The following PTPN4 variants were observed in gnomAD, a reference collection of about 807,000 sequenced individuals.
PTPN4 encodes the protein tyrosine-protein phosphatase non-receptor type 4.
In PTPN4, 49 loss-of-function variants were observed where a neutral mutation model predicts 135.5. The observed-to-expected ratio is 0.36, with a 90% CI of 0.29 to 0.46. The LOEUF (loss-of-function observed/expected upper bound fraction) is 0.46, where lower values mean the gene tolerates loss of function less well. Ranked by LOEUF, PTPN4 falls within the 20% of genes least tolerant of loss-of-function variation. The pLI is 1.00. For missense variants in PTPN4, 860 were observed against 1,101.0 expected (o/e 0.78, Z 3.10); for synonymous variants, 333 against 369.9 (o/e 0.90, Z 1.14).
rs138361206 is a variant in PTPN4 at position 119,882,508 on chromosome 2, C to A, written c.472C>A (p.Leu158Ile). The A allele has an allele frequency of 3.9e-3, 5,976 of 1,522,120 alleles. 13 individuals are homozygous for A. The highest frequency in any genetic ancestry group is 4.9e-3 in the Non-Finnish European group (5,565 of 1,130,478). 94.3% of individuals were successfully genotyped at this position (1,522,120 alleles called of 1,614,324 possible). Residue 158 changes from leucine to isoleucine, a missense_variant, in exon 8 of 27, where the codon CTT (leucine) becomes ATT (isoleucine). By Grantham distance (5) the Leu-to-Ile change is conservative. Transcript: ENST00000263708. ...TGTTTTCCTTTCATTATTAGCTGAACTTGGAGACTACGATCAGTCAGAGAA... is the reference window on the plus strand; with the variant it reads ...TGTTTTCCTTTCATTATTAGCTGAAATTGGAGACTACGATCAGTCAGAGAA... ...LLASFAVQSE[L>I]GDYDQSENLS...
rs141743006 is a variant in PTPN4, at chr2:119,966,889, T to C, written c.2559-948T>C. On this transcript the variant is annotated intron_variant, in intron 25 of 26. Coordinates refer to ENST00000263708, the MANE Select transcript of PTPN4 (RefSeq NM_002830.4). ...TACTGATCCAGAGATTAGGAGACAG[T>C]TGTTCCTCCCTATTACGGCCACCTT... 3.0e-4 allele frequency among the ~76,000 whole-genome samples: 46 copies of C among 152,324 alleles called. No homozygotes were observed. The East Asian group carries it at 7.7e-3, about 26-fold the overall frequency.
chr2:119,976,529 G>A (rs938104711), intron 26 of PTPN4, among the ~76,000 whole-genome samples: 2 of 152,044 alleles, frequency 1.3e-5, no homozygotes, highest in Non-Finnish European at 2.9e-5. Flanking sequence ...TTTTGAGAAT[G>A]TACAGTAGTC....
intron 2 of PTPN4, among the ~76,000 whole-genome samples, chr2:119,822,958 C>T (rs1677091351): frequency 6.6e-6 from 1 of 151,988 alleles, no homozygotes; most frequent in Admixed American, 6.6e-5. Context: ...TGAAGTTTGC[C>T]TCTCCCCCCA....
At position 119,965,601 on chromosome 2, in the gene PTPN4, A is replaced by C. The variant is rs1431685604; in HGVS notation, c.2514A>C (p.Arg838=). The C allele has an allele frequency of 6.2e-7, 1 of 1,614,078 alleles. No homozygotes were observed. Among genetic ancestry groups the C allele is most frequent in the African/African-American group, 1.3e-5 (1 of 75,026 alleles). The change falls in exon 25 of 27, where the codon CGA becomes CGC. Residue 838 remains arginine (R), a synonymous_variant. Transcript: ENST00000263708. ...TTCTAGATTTTGTTTGTCATGTACG[A>C]AACAAGAGGGCTGGCAAGGAAGAAC... The part of the protein sequence containing the change: ...SDFLDFVCHV[R]NKRAGKEEPV...
At chr2:119,837,272 C>T (rs1253957160) in intron 2 of PTPN4, among the ~76,000 whole-genome samples, 1 of 152,172 alleles carries the variant, frequency 6.6e-6, no homozygotes, top group Non-Finnish European at 1.5e-5. Flanking sequence ...GGTTAGGTCT[C>T]CTCGACTCTT....
At chr2:119,794,380 C>A (rs1691213956) in intron 1 of PTPN4, among the ~76,000 whole-genome samples, 1 of 152,200 alleles carries the variant, frequency 6.6e-6, no homozygotes, top group Non-Finnish European at 1.5e-5. Context: ...CTGGATCCCA[C>A]ACCTGCCAAG....
Position 119,882,497 on chromosome 2 carries a change from T to C in PTPN4, c.467-6T>C, listed in dbSNP as rs1354523642. The stretch of plus-strand genomic sequence containing the variant: ...TAAAATGTGAATGTTTTCCTTTCAT[T>C]ATTAGCTGAACTTGGAGACTACGAT... On this transcript the variant is annotated splice_region_variant and splice_polypyrimidine_tract_variant and intron_variant, in intron 7 of 26. Coordinates refer to ENST00000263708, the MANE Select transcript of PTPN4 (RefSeq NM_002830.4). 1.3e-6 allele frequency: 2 copies of C among 1,508,560 alleles called. No individual in the cohort carries two copies. Among genetic ancestry groups the C allele is most frequent in the Non-Finnish European group, 1.8e-6 (2 of 1,124,646 alleles). 93.4% of individuals were successfully genotyped at this position (1,508,560 alleles called of 1,614,324 possible).
intron 13 of PTPN4, among the ~76,000 whole-genome samples, chr2:119,929,701 C>G (rs1678875625): frequency 6.6e-6 from 1 of 152,042 alleles, no homozygotes; most frequent in Non-Finnish European, 1.5e-5. Context: ...AGACAGCAAG[C>G]TTGAGTGGGT....
chr2:119,851,373 A>G (rs1043646679), intron 2 of PTPN4, among the ~76,000 whole-genome samples: 1 of 152,234 alleles, frequency 6.6e-6, no homozygotes, highest in Non-Finnish European at 1.5e-5. Context: ...AAAGCTTTAG[A>G]ACAGGAAAGA....
At chr2:119,814,922 CT>C (rs1369736040) in intron 2 of PTPN4, among the ~76,000 whole-genome samples, 30 of 152,004 alleles carry the variant, frequency 2.0e-4, no homozygotes, top group African/African-American at 7.0e-4. Flanking sequence ...ATTTTTAAAG[CT>C]TTTATCTATT....
chr2:119,876,930 T>C (rs1351696778), intron 3 of PTPN4, among the ~76,000 whole-genome samples: 1 of 149,614 alleles, frequency 6.7e-6, no homozygotes, highest in Non-Finnish European at 1.5e-5. Context: ...TGTGTGTGTG[T>C]GTGTGTGTGT....
intron 3 of PTPN4, among the ~76,000 whole-genome samples, chr2:119,873,547 A>G (rs1677944393): frequency 6.6e-6 from 1 of 152,180 alleles, no homozygotes; most frequent in African/African-American, 2.4e-5. Context: ...ATTAGAAACC[A>G]TGAGTCATCA....
In PTPN4 at chr2:119,967,024, A is replaced by G. The variant is rs566719655; in HGVS notation, c.2559-813A>G. On this transcript the variant is annotated intron_variant, in intron 25 of 26. Transcript: ENST00000263708. ...TCTTCAAAACAGATTATAGACCAAA[A>G]TTTGAGAGGTAAAGTAGCAAGAATG... 3.4e-4 allele frequency among the ~76,000 whole-genome samples: 52 copies of G among 152,386 alleles called. No individual in the cohort carries two copies. The South Asian group carries it at 0.01, about 30-fold the overall frequency.
At chr2:119,853,357 A>G (rs544627184) in intron 2 of PTPN4, among the ~76,000 whole-genome samples, 19 of 151,792 alleles carry the variant, frequency 1.3e-4, no homozygotes, top group Admixed American at 1.2e-3. Context: ...ATTCTGTTTT[A>G]CTTTTTCTGC....
rs1467880679 is a variant in PTPN4 at position 119,983,372 on chromosome 2, C to G, written c.*6302C>G. The G allele has an allele frequency of 6.6e-6, 1 of 152,138 alleles. No homozygotes were observed. The highest frequency in any genetic ancestry group is 1.9e-4 in the East Asian group (1 of 5,188). The allele number at this position is 152,138 out of a possible 1,614,324, so 9.4% of individuals were successfully genotyped here. ...CTTCCCCACTGTCATCACAGTTGAG[C>G]TCATTTTAACATATATTCAAAGAAG... On this transcript the variant is annotated 3_prime_UTR_variant, in exon 27 of 27. Coordinates refer to ENST00000263708, the MANE Select transcript of PTPN4 (RefSeq NM_002830.4).
Position 119,855,324 on chromosome 2 carries a change from A to T in PTPN4, c.139-7212A>T, listed in dbSNP as rs531708317. 1.4e-3 allele frequency among the ~76,000 whole-genome samples: 212 copies of T among 152,290 alleles called. 3 individuals carry two copies. In the South Asian group the frequency reaches 0.021, roughly 15 times the overall value. ...TGATGCTGCTGTCTCGGTAGAATTT[A>T]AAAATAACAAGTTGGGAACTATTGC... On this transcript the variant is annotated intron_variant, in intron 2 of 26. Coordinates refer to ENST00000263708, the MANE Select transcript of PTPN4 (RefSeq NM_002830.4).
intron 3 of PTPN4, among the ~76,000 whole-genome samples, chr2:119,869,899 CA>C (rs1420161994): frequency 2.0e-5 from 3 of 152,080 alleles, no homozygotes; most frequent in Non-Finnish European, 2.9e-5. Context: ...GAAAACTTAC[CA>C]AAAAGGTGTT....
chr2:119,889,434 A>AT (rs1385721621), intron 9 of PTPN4, among the ~76,000 whole-genome samples: 1 of 152,108 alleles, frequency 6.6e-6, no homozygotes, highest in Non-Finnish European at 1.5e-5. Context: ...AGAAAAAAAA[A>AT]GTCTTGATGA....
At chr2:119,824,257 A>T (rs1558736789) in intron 2 of PTPN4, among the ~76,000 whole-genome samples, 1 of 152,214 alleles carries the variant, frequency 6.6e-6, no homozygotes, top group Non-Finnish European at 1.5e-5. Context: ...TGCACTTAAA[A>T]AGGATGTCTG....
Sources: allele counts gnomAD v4.1 joint callset (sites outside exome capture counted in the v4.1 genomes callset), GRCh38; gene constraint gnomAD v4.1.1; transcripts MANE v1.5; gene names NCBI Gene and HGNC (gene_info 2026-07-23, HGNC 2026-07-21).